Variants in NAALADL2 observed in about 807,000 individuals in gnomAD.
The protein encoded by NAALADL2 is inactive N-acetylated-alpha-linked acidic dipeptidase-like protein 2.
Under a neutral mutation model 87.2 loss-of-function variants are expected in NAALADL2, and 76 were observed. That is an observed-to-expected ratio of 0.87 (90% CI 0.72 to 1.05). The LOEUF (loss-of-function observed/expected upper bound fraction) is 1.05. Among genes scored for constraint, NAALADL2 ranks in the 50% least tolerant of loss-of-function variants. The pLI is 0.00. For missense variants in NAALADL2, 1,089 were observed against 945.8 expected, an observed-to-expected ratio of 1.15 and a Z score of -1.99; for synonymous variants, 354 against 331.0, an observed-to-expected ratio of 1.07 and a Z score of -0.75.
At chr3:174,753,419 A>G (rs955827325) in intron 3 of NAALADL2, among the ~76,000 whole-genome samples, 1 of 152,210 alleles carries the variant, frequency 6.6e-6, no homozygotes, top group Non-Finnish European at 1.5e-5. Context: ...ATTAGTCAGG[A>G]GGATTAAATG....
chr3:174,763,613 T>G (rs1330198625), intron 3 of NAALADL2, among the ~76,000 whole-genome samples: 1 of 68,764 alleles, frequency 1.5e-5, no homozygotes, highest in Non-Finnish European at 3.0e-5. Context: ...ACTAAAATGT[T>G]GAAGTAGCAT....
At chr3:175,745,755 C>T (rs537824304) in intron 12 of NAALADL2, among the ~76,000 whole-genome samples, 16 of 152,182 alleles carry the variant, frequency 1.1e-4, no homozygotes, top group South Asian at 2.1e-4. Context: ...AAAATACAAC[C>T]CTACCCTTGA....
At position 174,492,936 on chromosome 3, in the gene NAALADL2, T is replaced by A. The variant is rs116083356; in HGVS notation, c.-184+51904T>A. Among the ~76,000 whole-genome samples the A allele has an allele frequency of 1.7e-3, 257 of 152,330 alleles. 1 individual carries two copies. The highest frequency in any genetic ancestry group is 6.0e-3 in the African/African-American group (250 of 41,566). On this transcript the variant is annotated intron_variant, in intron 1 of 3. Coordinates refer to the NAALADL2 transcript ENST00000434257. The stretch of plus-strand genomic sequence containing the variant: ...CTAAAATCAATTCAGTTATTCTTCT[T>A]TAGCTCCATTTCTTACTGCTGACTG...
intron 2 of NAALADL2, among the ~76,000 whole-genome samples, chr3:174,578,100 G>C (rs1489158677): frequency 6.6e-6 from 1 of 151,822 alleles, no homozygotes; most frequent in African/African-American, 2.4e-5. Context: ...AGAGAAAAAA[G>C]GTTTTAAAAA....
At chr3:175,286,817 T>G (rs6767980) in intron 4 of NAALADL2, among the ~76,000 whole-genome samples, 78,779 of 152,016 alleles carry the variant, frequency 0.52, 21,324 homozygotes, top group African/African-American at 0.67. Context: ...CTAGGCTGGA[T>G]GCGGTAACTC....
intron 3 of NAALADL2, among the ~76,000 whole-genome samples, chr3:174,797,981 A>C (rs1023030668): frequency 6.6e-6 from 1 of 151,972 alleles, no homozygotes; most frequent in Non-Finnish European, 1.5e-5. Context: ...AGAGTTTTAT[A>C]GTTTTAGCTC....
At chr3:175,565,819 A>AGC (rs1717018621) in intron 9 of NAALADL2, among the ~76,000 whole-genome samples, 1 of 121,188 alleles carries the variant, frequency 8.3e-6, no homozygotes, top group Non-Finnish European at 1.8e-5. Flanking sequence ...AAAAAACAAA[A>AGC]GCCCCCCCCC....
At chr3:175,122,342 C>T (rs1264729843) in intron 2 of NAALADL2, among the ~76,000 whole-genome samples, 13 of 151,856 alleles carry the variant, frequency 8.6e-5, no homozygotes, top group Non-Finnish European at 1.8e-4. Context: ...CCCAATTTCA[C>T]GTGACTGTGA....
At chr3:175,746,745 A>C (rs887336313) in intron 12 of NAALADL2, among the ~76,000 whole-genome samples, 4 of 152,190 alleles carry the variant, frequency 2.6e-5, no homozygotes, top group African/African-American at 9.7e-5. Flanking sequence ...TGTTTGCTCA[A>C]ATTAATAGAG....
At chr3:174,754,640 A>T (rs370006841) in intron 3 of NAALADL2, among the ~76,000 whole-genome samples, 94 of 152,172 alleles carry the variant, frequency 6.2e-4, no homozygotes, top group African/African-American at 2.2e-3. Flanking sequence ...GATCCAGACT[A>T]TGAGCTATTT....
chr3:174,892,717 A>C (rs1731010003), intron 1 of NAALADL2, among the ~76,000 whole-genome samples: 1 of 152,040 alleles, frequency 6.6e-6, no homozygotes, highest in South Asian at 2.1e-4. Context: ...TGAGCTCAGG[A>C]GTTCGAGACG....
chr3:174,851,591 C>T (rs1486116933), intron 3 of NAALADL2, among the ~76,000 whole-genome samples: 1 of 151,840 alleles, frequency 6.6e-6, no homozygotes, highest in East Asian at 1.9e-4. Context: ...CTGGAACAGA[C>T]CAATAATAAA....
At chr3:175,116,739 A>ACAG (rs1222994607) in intron 2 of NAALADL2, among the ~76,000 whole-genome samples, 2 of 151,656 alleles carry the variant, frequency 1.3e-5, no homozygotes, top group African/African-American at 4.9e-5. Context: ...CAAAACCACA[A>ACAG]CAACAACAAA....
At chr3:175,298,412 A>G (rs959001881) in intron 4 of NAALADL2, among the ~76,000 whole-genome samples, 6 of 152,184 alleles carry the variant, frequency 3.9e-5, no homozygotes, top group Admixed American at 6.6e-5. Flanking sequence ...CTTTTCAGGA[A>G]TCTGATAAAA....
At chr3:175,715,177 T>C (rs1274295052) in intron 11 of NAALADL2, among the ~76,000 whole-genome samples, 1 of 152,062 alleles carries the variant, frequency 6.6e-6, no homozygotes, top group Non-Finnish European at 1.5e-5. Context: ...CCTAAAGAAG[T>C]AGTTTTATGT....
chr3:174,689,751 A>T (rs2108849711), intron 2 of NAALADL2, among the ~76,000 whole-genome samples: 1 of 152,242 alleles, frequency 6.6e-6, no homozygotes, highest in Non-Finnish European at 1.5e-5. Flanking sequence ...TAGGTATTCA[A>T]TTGGTGGGTG....
chr3:174,564,968 A>G (rs1483407616), intron 2 of NAALADL2, among the ~76,000 whole-genome samples: 1 of 151,940 alleles, frequency 6.6e-6, no homozygotes, highest in Non-Finnish European at 1.5e-5. Flanking sequence ...TAGAAAATTG[A>G]TAGACTTTTT....
chr3:175,588,151 G>C (rs62284492), intron 10 of NAALADL2, among the ~76,000 whole-genome samples: 2,056 of 151,504 alleles, frequency 0.014, 47 homozygotes, highest in African/African-American at 0.047. Flanking sequence ...AGACAGTAAC[G>C]CCTGGTAGGA....
chr3:174,600,490 A>G (rs543759296), intron 2 of NAALADL2, among the ~76,000 whole-genome samples: 3 of 152,250 alleles, frequency 2.0e-5, no homozygotes, highest in Non-Finnish European at 4.4e-5. Flanking sequence ...GTCTTGGATT[A>G]TAATTTAAAA....
Sources: gnomAD v4.1 joint callset for allele counts (sites outside exome capture counted in the v4.1 genomes callset) on GRCh38, gnomAD v4.1.1 for gene constraint, MANE v1.5 for transcripts, NCBI Gene and HGNC (gene_info 2026-07-23, HGNC 2026-07-21) for gene names.